Variants in GPM6A observed in about 807,000 individuals in gnomAD.
GPM6A encodes the protein glycoprotein M6A.
Under a neutral mutation model 32.1 loss-of-function variants are expected in GPM6A, and 7 were observed. The ratio of observed to expected loss-of-function variants is 0.22; its 90% CI spans 0.12 to 0.41. The LOEUF is 0.41. GPM6A is among the 10% of genes least tolerant of loss of function. The pLI, the probability that GPM6A is intolerant of heterozygous loss-of-function variation, is 1.00. For missense variants in GPM6A, 235 were observed against 347.2 expected (o/e 0.68, Z 2.57); for synonymous variants, 130 against 123.4 (o/e 1.05, Z -0.35).
chr4:175,664,798 T>C (rs1415644624), intron 3 of GPM6A, among the ~76,000 whole-genome samples: 1 of 152,184 alleles, frequency 6.6e-6, no homozygotes, highest in Non-Finnish European at 1.5e-5. Context: ...TATACATCCT[T>C]TAAAGAAAGG....
chr4:175,873,672 C>T (rs902135782), intron 1 of GPM6A, among the ~76,000 whole-genome samples: 6 of 152,050 alleles, frequency 3.9e-5, no homozygotes, highest in African/African-American at 1.4e-4. Flanking sequence ...TTTGTTCTCC[C>T]ATTATTTTCA....
At position 175,829,492 on chromosome 4, in the gene GPM6A, G is replaced by T. The variant is rs570748575; in HGVS notation, c.-22-17243C>A. Among the ~76,000 whole-genome samples, 295 of 151,618 alleles carry T rather than the reference G, an allele frequency of 1.9e-3. 1 individual carries two copies. The highest frequency in any genetic ancestry group is 6.6e-3 in the African/African-American group (275 of 41,374). On this transcript the variant is annotated intron_variant, in intron 1 of 7. Transcript: ENST00000280187. ...ATATTAAAGTCAGTTAAACAGTGAA[G>T]TCAGTGGTATAGTTGGATGCCAAGT...
At chr4:175,910,497 AAAGGGGCCCAAC>A (rs1738280749) in intron 1 of GPM6A, among the ~76,000 whole-genome samples, 1 of 152,162 alleles carries the variant, frequency 6.6e-6, no homozygotes, top group Admixed American at 6.5e-5. Flanking sequence ...AAGGAAGAAG[AAAGGGGCCCAAC>A]AAGCACTGTT....
chr4:175,882,054 A>T (rs999788019), intron 1 of GPM6A, among the ~76,000 whole-genome samples: 6 of 152,084 alleles, frequency 3.9e-5, no homozygotes, highest in African/African-American at 1.4e-4. Flanking sequence ...TGATTTTCAT[A>T]TAATTGTTTA....
chr4:175,899,860 T>C (rs895220704), intron 1 of GPM6A, among the ~76,000 whole-genome samples: 2 of 151,296 alleles, frequency 1.3e-5, no homozygotes, highest in African/African-American at 4.9e-5. Flanking sequence ...AAAGCAAAAA[T>C]GGACAAATGA....
At chr4:175,730,471 CT>C (rs68186591) in intron 1 of GPM6A, among the ~76,000 whole-genome samples, 34,041 of 132,964 alleles carry the variant, frequency 0.26, 4,104 homozygotes, top group Middle Eastern at 0.32. Flanking sequence ...TCGATCTCTT[CT>C]TTTTTTTTTT....
chr4:175,868,972 A>G (rs980113696), intron 1 of GPM6A, among the ~76,000 whole-genome samples: 1 of 152,310 alleles, frequency 6.6e-6, no homozygotes, highest in Admixed American at 6.5e-5. Flanking sequence ...GGTCTACACT[A>G]ATTCCTAGGT....
rs1420740385 is a variant in GPM6A, at chr4:175,873,080, T to G, written c.-22-60831A>C. Among the ~76,000 whole-genome samples, 3 of 152,214 alleles carry G rather than the reference T, an allele frequency of 2.0e-5. No individual in the cohort carries two copies. In the South Asian group the frequency reaches 6.2e-4, roughly 32 times the overall value. On this transcript the variant is annotated intron_variant, in intron 1 of 7. Coordinates refer to the GPM6A transcript ENST00000280187. ...TTTATTTATCTGGGTCTGTGTGTGT[T>G]TTAGCTATGTTCAATTGATTAGATA...
rs1225257906 is a variant in GPM6A, at chr4:175,874,535, G to A, written c.-22-62286C>T. ...AACACTGAGGGAGCAGAGCCAAAGG[G>A]TGTGGCATATGCTTTTGAAACTTTC... On this transcript the variant is annotated intron_variant, in intron 1 of 7. Coordinates refer to the GPM6A transcript ENST00000280187. Among the ~76,000 whole-genome samples the A allele has an allele frequency of 1.3e-5, 2 of 152,084 alleles. 1 individual carries two copies. Among genetic ancestry groups the A allele is most frequent in the South Asian group, 4.1e-4 (2 of 4,826 alleles).
intron 1 of GPM6A, among the ~76,000 whole-genome samples, chr4:175,757,093 TTATC>T (rs1732557806): frequency 3.3e-5 from 5 of 152,144 alleles, no homozygotes; most frequent in Admixed American, 3.3e-4. Context: ...GCATTAGGTG[TTATC>T]TGTGTGACCA....
At chr4:175,635,829 G>T (rs546213361) in intron 6 of GPM6A, among the ~76,000 whole-genome samples, 1 of 152,026 alleles carries the variant, frequency 6.6e-6, no homozygotes. Flanking sequence ...GATGAATTTT[G>T]ATGAATAGGG....
intron 1 of GPM6A, among the ~76,000 whole-genome samples, chr4:176,000,486 T>C (rs1350510823): frequency 2.6e-5 from 4 of 152,172 alleles, no homozygotes; most frequent in Non-Finnish European, 4.4e-5. Context: ...AGTAAGGAAA[T>C]GGAAATTAAA....
At chr4:175,901,657 G>A (rs1328540016) in intron 1 of GPM6A, among the ~76,000 whole-genome samples, 1 of 30,574 alleles carries the variant, frequency 3.3e-5, no homozygotes, top group South Asian at 7.3e-4. Context: ...TTTTTTTTTT[G>A]GACAAAGTCT....
intron 1 of GPM6A, among the ~76,000 whole-genome samples, chr4:175,708,280 G>GTTCC (rs1251182127): frequency 6.6e-6 from 1 of 152,152 alleles, no homozygotes; most frequent in Admixed American, 6.5e-5. Flanking sequence ...AGAGACCAGG[G>GTTCC]AAGGAATAAC....
At chr4:175,646,497 A>C (rs1388960366) in intron 4 of GPM6A, among the ~76,000 whole-genome samples, 1 of 152,188 alleles carries the variant, frequency 6.6e-6, no homozygotes, top group African/African-American at 2.4e-5. Context: ...TCTCTAGAGA[A>C]AGTATGATGA....
intron 1 of GPM6A, among the ~76,000 whole-genome samples, chr4:175,976,254 C>T (rs1004575107): frequency 8.6e-5 from 13 of 151,626 alleles, no homozygotes; most frequent in Admixed American, 7.2e-4. Flanking sequence ...GCTCCGCCTC[C>T]CAAGTTCACG....
At chr4:175,690,201 C>T (rs1579388579) in intron 2 of GPM6A, among the ~76,000 whole-genome samples, 6 of 152,170 alleles carry the variant, frequency 3.9e-5, no homozygotes, top group Non-Finnish European at 7.3e-5. Context: ...ATTCATATTT[C>T]GTTCAATTGA....
intron 1 of GPM6A, among the ~76,000 whole-genome samples, chr4:175,730,670 C>A (rs1048095001): frequency 3.3e-5 from 5 of 152,078 alleles, no homozygotes; most frequent in Non-Finnish European, 7.4e-5. Context: ...GACGGGGTTT[C>A]ACCGTGTTAG....
intron 3 of GPM6A, among the ~76,000 whole-genome samples, chr4:175,670,118 T>C (rs1243365180): frequency 1.6e-4 from 24 of 152,212 alleles, no homozygotes. Context: ...TTTGTTGTGG[T>C]AGCCCTAGCA....
Sources: gnomAD v4.1 joint callset for allele counts (sites outside exome capture counted in the v4.1 genomes callset) on GRCh38, gnomAD v4.1.1 for gene constraint, MANE v1.5 for transcripts, NCBI Gene and HGNC (gene_info 2026-07-23, HGNC 2026-07-21) for gene names.